Variants in LY75 observed in about 807,000 individuals in gnomAD.
LY75 encodes the protein lymphocyte antigen 75.
In LY75, 185 loss-of-function variants were observed where a neutral mutation model predicts 231.7. The ratio of observed to expected loss-of-function variants is 0.80; its 90% CI spans 0.71 to 0.90. LY75 has a LOEUF of 0.90. LY75 is among the 40% of genes least tolerant of loss of function. The probability of loss-of-function intolerance (pLI) is 0.00; values close to 1 mark genes in which losing one functional copy is unlikely to be tolerated. For synonymous variants in LY75, 668 were observed against 689.0 expected (o/e 0.97, Z 0.48); for missense variants, 1,947 against 2,050.2 (o/e 0.95, Z 0.97).
rs773757343 is a variant in LY75, at chr2:159,848,093, T to TACACACACACACACACAC, written c.3150+1886_3150+1887insGTGTGTGTGTGTGTGTGT. Among the ~76,000 whole-genome samples the TACACACACACACACACAC allele has an allele frequency of 8.4e-4, 24 of 28,536 alleles. 1 individual carries two copies. The highest frequency in any genetic ancestry group is 3.0e-3 in the African/African-American group (22 of 7,220). The allele number at this position is 28,536 out of a possible 152,430, so 18.7% of individuals were successfully genotyped here. ...GTATATATATATATATATATATATA[T>TACACACACACACACACAC]ACACACACACATACACACACCATAT... On this transcript the variant is annotated intron_variant, in intron 23 of 34. Coordinates refer to ENST00000263636, the MANE Select transcript of LY75 (RefSeq NM_002349.4).
In LY75 at chr2:159,872,485, T is replaced by C. The variant is rs1316462933; in HGVS notation, c.2083A>G (p.Lys695Glu). Reference protein sequence around the residue: ...LSSFSHVDEIKEFLHFLTDQF... With the variant: ...LSSFSHVDEIEEFLHFLTDQF... ...TCCGTTAAAAAGTGAAGAAATTCCTTTATTTCATCCACATGGCTGAAGCTA... is the reference window on the plus strand; with the variant it reads ...TCCGTTAAAAAGTGAAGAAATTCCTCTATTTCATCCACATGGCTGAAGCTA... The change falls in exon 13 of 35, where the codon AAG (lysine) becomes GAG (glutamate). Residue 695 changes from lysine to glutamate, a missense_variant. Coordinates refer to ENST00000263636, the MANE Select transcript of LY75 (RefSeq NM_002349.4). 1.2e-6 allele frequency: 2 copies of C among 1,613,926 alleles called. No individual in the cohort carries two copies. Among genetic ancestry groups the C allele is most frequent in the Non-Finnish European group, 1.7e-6 (2 of 1,179,898 alleles).
intron 28 of LY75, among the ~76,000 whole-genome samples, chr2:159,823,489 T>C (rs552050245): frequency 6.6e-6 from 1 of 152,066 alleles, no homozygotes. Context: ...TACCTGAAAG[T>C]GATGAGGAGA....
In LY75 at chr2:159,833,129, C is replaced by CTTTTT. The variant is rs5835769; in HGVS notation, c.3841+910_3841+914dup. Among the ~76,000 whole-genome samples, 711 of 133,962 alleles carry CTTTTT rather than the reference C, an allele frequency of 5.3e-3. 6 individuals carry two copies. The highest frequency in any genetic ancestry group is 0.019 in the African/African-American group (681 of 35,566). The allele number at this position is 133,962 out of a possible 152,430, so 87.9% of individuals were successfully genotyped here. ...TTGTGTGTCATTTCTTTCCCCCTTCCTTTTTTTTTTTTTTTTTGGAGATAG... is the reference window on the plus strand; with the variant it reads ...TTGTGTGTCATTTCTTTCCCCCTTCCTTTTTTTTTTTTTTTTTTTTTTGGAGATAG... On this transcript the variant is annotated intron_variant, in intron 27 of 34. Coordinates refer to ENST00000263636, the MANE Select transcript of LY75 (RefSeq NM_002349.4).
intron 15 of LY75, among the ~76,000 whole-genome samples, chr2:159,859,339 C>G (rs550179894): frequency 3.0e-4 from 45 of 152,294 alleles, no homozygotes; most frequent in South Asian, 1.7e-3. Flanking sequence ...TATCCCTCAG[C>G]CTTCCTGTAA....
At chr2:159,812,694 T>C (rs1381107979) in intron 31 of LY75, among the ~76,000 whole-genome samples, 6 of 152,176 alleles carry the variant, frequency 3.9e-5, no homozygotes, top group Non-Finnish European at 8.8e-5. Context: ...ATTACAAGCA[T>C]GAACCACCAC....
chr2:159,828,323 TC>T (rs1560069280), intron 28 of LY75, among the ~76,000 whole-genome samples: 1 of 151,038 alleles, frequency 6.6e-6, no homozygotes, highest in African/African-American at 2.4e-5. Context: ...ATAAAAAGAC[TC>T]AATTTAAAAC....
intron 29 of LY75, among the ~76,000 whole-genome samples, chr2:159,819,254 A>T (rs1387692144): frequency 2.0e-5 from 3 of 152,246 alleles, no homozygotes; most frequent in Non-Finnish European, 4.4e-5. Context: ...ACATATATTT[A>T]AAAATAGATT....
At chr2:159,858,617 A>G in intron 15 of LY75, 141 bp from the exon 16 acceptor site, 1 of 951,274 alleles carries the variant, frequency 1.1e-6, no homozygotes, top group African/African-American at 1.7e-5. Context: ...ACATGAATTA[A>G]TGGAATATTT....
rs371663452 is a variant in LY75 at position 159,850,515 on chromosome 2, G to A, written c.2884-48C>T. The A allele has an allele frequency of 3.1e-6, 5 of 1,606,088 alleles. No individual in the cohort carries two copies. The African/African-American group carries it at 4.0e-5, about 13-fold the overall frequency. ...AGCATGAGATTCCAGACACAGGAACGCTCACATAGGAAGTAAAATGCTTCA... is the reference window on the plus strand; with the variant it reads ...AGCATGAGATTCCAGACACAGGAACACTCACATAGGAAGTAAAATGCTTCA... On this transcript the variant is annotated intron_variant, in intron 21 of 34. Coordinates refer to ENST00000263636, the MANE Select transcript of LY75 (RefSeq NM_002349.4).
intron 28 of LY75, among the ~76,000 whole-genome samples, chr2:159,827,873 C>T (rs956864759): frequency 3.9e-5 from 6 of 152,028 alleles, no homozygotes; most frequent in African/African-American, 9.7e-5. Context: ...AACCAAACAC[C>T]GCATGTTCTC....
chr2:159,844,584 G>A (rs148690422), intron 23 of LY75, among the ~76,000 whole-genome samples: 3 of 152,048 alleles, frequency 2.0e-5, no homozygotes, highest in East Asian at 1.9e-4. Flanking sequence ...AAATGAAAAC[G>A]AGAGAGGTAA....
intron 4 of LY75, among the ~76,000 whole-genome samples, chr2:159,887,767 G>A (rs754369376): frequency 2.0e-5 from 3 of 151,948 alleles, no homozygotes; most frequent in East Asian, 1.9e-4. Flanking sequence ...TATTAAATAC[G>A]GGGCATGTCC....
intron 27 of LY75, among the ~76,000 whole-genome samples, chr2:159,833,700 A>C (rs1002308110): frequency 6.6e-6 from 1 of 152,174 alleles, no homozygotes; most frequent in Non-Finnish European, 1.5e-5. Flanking sequence ...CTGTTTCCCC[A>C]TCCAAATCCC....
chr2:159,902,486 G>T (rs1387636347), intron 1 of LY75: 2 of 152,218 alleles, frequency 1.3e-5, no homozygotes, highest in Admixed American at 1.3e-4. Context: ...AGACCAAAGA[G>T]CTTCACACAT....
intron 21 of LY75, among the ~76,000 whole-genome samples, chr2:159,851,719 T>A (rs895921801): frequency 6.6e-6 from 1 of 152,212 alleles, no homozygotes; most frequent in African/African-American, 2.4e-5. Context: ...ACCTATTTAA[T>A]CATAAAACCC....
chr2:159,856,187 T>C (rs910478728), intron 16 of LY75, among the ~76,000 whole-genome samples: 8 of 152,158 alleles, frequency 5.3e-5, no homozygotes, highest in African/African-American at 1.9e-4. Context: ...GTGTACAAGG[T>C]ATCAAGAAAT....
rs140851491 is a variant in LY75 at position 159,807,022 on chromosome 2, T to G, written c.4941A>C (p.Lys1647Asn). The change falls in exon 34 of 35, where the codon AAA becomes AAC. Residue 1647 changes from lysine to asparagine, a missense_variant. Transcript: ENST00000263636. Reference sequence around the variant, plus strand: ...TTCCAAAACCATGTTCACATTCAACTTTTTTCCAAGTTTCATTTGAAGCTA... The same window carrying G: ...TTCCAAAACCATGTTCACATTCAACGTTTTTCCAAGTTTCATTTGAAGCTA... ...MLIASNETWK[K>N]VECEHGFGRV... 2.7e-5 allele frequency: 43 copies of G among 1,613,780 alleles called. No individual in the cohort carries two copies. In the African/African-American group the frequency reaches 5.6e-4, roughly 21 times the overall value.
intron 28 of LY75, 82 bp from the exon 29 acceptor site, chr2:159,820,002 G>A: frequency 7.4e-7 from 1 of 1,357,548 alleles, no homozygotes; most frequent in Non-Finnish European, 9.7e-7. Flanking sequence ...TTTCAAACTT[G>A]ACTAATTTTC....
chr2:159,839,753 C>T (rs887428691), intron 25 of LY75, among the ~76,000 whole-genome samples: 2 of 152,058 alleles, frequency 1.3e-5, no homozygotes, highest in South Asian at 2.1e-4. Context: ...CACCTCTAAT[C>T]CCAACACTTT....
Sources: gnomAD v4.1 joint callset for allele counts (sites outside exome capture counted in the v4.1 genomes callset) on GRCh38, gnomAD v4.1.1 for gene constraint, MANE v1.5 for transcripts, NCBI Gene and HGNC (gene_info 2026-07-23, HGNC 2026-07-21) for gene names.